The following GGT1 variants were observed in gnomAD, a reference collection of about 807,000 sequenced individuals.
GGT1 encodes glutathione hydrolase 1 proenzyme.
A neutral mutation model predicts 56.0 loss-of-function variants in GGT1; 21 were observed. The observed-to-expected ratio is 0.38, with a 90% CI of 0.27 to 0.54. The LOEUF is 0.54. Among genes scored for constraint, GGT1 ranks in the 20% least tolerant of loss-of-function variants. The probability of loss-of-function intolerance (pLI) is 0.82; values close to 1 mark genes in which losing one functional copy is unlikely to be tolerated. For missense variants in GGT1, 466 were observed against 787.0 expected, an observed-to-expected ratio of 0.59 and a Z score of 4.88; for synonymous variants, 238 against 342.6, an observed-to-expected ratio of 0.69 and a Z score of 3.37.
Position 24,615,141 on chromosome 22 carries a change from C to T in GGT1, c.382+14C>T, listed in dbSNP as rs538847822. The T allele has an allele frequency of 2.9e-5, 46 of 1,598,802 alleles. No individual in the cohort carries two copies. In the East Asian group the frequency reaches 8.5e-4, roughly 29 times the overall value. ...AGTCCCAGAAGGGTAAGCCATGCGG[C>T]AGACTTGGGGCGTGGGTGCAGAGCT... On this transcript the variant is annotated intron_variant, in intron 7 of 15. Coordinates refer to ENST00000400382, the MANE Select transcript of GGT1 (RefSeq NM_001288833.2).
chr22:24,612,377 T>C (rs574322860), intron 5 of GGT1, among the ~76,000 whole-genome samples: 6 of 151,684 alleles, frequency 4.0e-5, no homozygotes, highest in African/African-American at 7.3e-5. Context: ...TATGTACATA[T>C]GTACACATGT....
At position 24,621,012 on chromosome 22, in the gene GGT1, C is replaced by A; in HGVS notation, c.675C>A (p.Ala225=). The change falls in exon 9 of 16, where the codon GCC becomes GCA. Residue 225 remains alanine (A), a synonymous_variant. Coordinates refer to ENST00000400382, the MANE Select transcript of GGT1 (RefSeq NM_001288833.2). ...ACGAGACGCTGGCCATCGAGGGTGC[C>A]CAGGCCTTCTACAACGGCAGCCTCA... is the stretch of plus-strand genomic sequence containing the variant. ...DTYETLAIEG[A]QAFYNGSLTA... is the part of the protein sequence containing the mutation. The A allele has an allele frequency of 6.2e-7, 1 of 1,610,404 alleles. No homozygotes were observed.
At chr22:24,595,867 T>C (rs1392022513) in intron 1 of GGT1, among the ~76,000 whole-genome samples, 4 of 152,210 alleles carry the variant, frequency 2.6e-5, no homozygotes, top group Non-Finnish European at 4.4e-5. Flanking sequence ...CCAGTAGTAT[T>C]GTTCAAGCCC....
upstream of GGT1, chr22:24,592,843 C>A: frequency 3.9e-6 from 5 of 1,274,694 alleles, no homozygotes; most frequent in Non-Finnish European, 5.0e-6. Flanking sequence ...AGCCCAGGGG[C>A]GGACGGCTCC....
At chr22:24,592,409 A>C (rs1347342663), upstream of GGT1, 1 of 470,544 alleles carries the variant, frequency 2.1e-6, no homozygotes, top group Non-Finnish European at 4.4e-6. Context: ...TCCAGGGTCC[A>C]CTGTCTCCCG....
rs372079440 is a variant in GGT1, at chr22:24,628,250, T to A, written c.1450-25T>A. On this transcript the variant is annotated intron_variant, in intron 14 of 15. Coordinates refer to ENST00000400382, the MANE Select transcript of GGT1 (RefSeq NM_001288833.2). This position sits in a 1 kb window ranked among gnomAD's most constrained non-coding sequence, Gnocchi z 5.7. ...CCCACCCTGCACAGCCCCCAAGCCA[T>A]GCTGATCACACTCCCATGCCCCAGG... 1 of 1,611,742 alleles carries A rather than the reference T, an allele frequency of 6.2e-7. No homozygotes were observed.
upstream of GGT1, among the ~76,000 whole-genome samples, chr22:24,594,473 G>A (rs1028766766): frequency 1.3e-5 from 2 of 151,426 alleles, no homozygotes; most frequent in Non-Finnish European, 2.9e-5. Flanking sequence ...TTTGGGTTAA[G>A]CACTGCCTGC....
In GGT1 at chr22:24,625,548, GT is replaced by G. The variant is rs1007309688; in HGVS notation, c.1020+1643del. Among the ~76,000 whole-genome samples, 122 of 146,976 alleles carry G rather than the reference GT, an allele frequency of 8.3e-4. 1 individual carries two copies. The South Asian group carries it at 0.022, about 26-fold the overall frequency. On this transcript the variant is annotated intron_variant, in intron 11 of 15. Coordinates refer to ENST00000400382, the MANE Select transcript of GGT1 (RefSeq NM_001288833.2). Reference sequence around the variant, plus strand: ...CCCAAAGCGCTGGGATTACAGGTGTGTTTTTTTTTTTGAGACAGAGTCTCGC... The same window carrying G: ...CCCAAAGCGCTGGGATTACAGGTGTGTTTTTTTTTTGAGACAGAGTCTCGC...
intron 7 of GGT1, among the ~76,000 whole-genome samples, chr22:24,619,774 T>G (rs2147442943): frequency 6.6e-6 from 1 of 151,102 alleles, no homozygotes; most frequent in East Asian, 1.9e-4. Context: ...TTTGGCACAT[T>G]CTCGTGGAGC....
At chr22:24,605,648 T>TTATATAATGTGTATTATATATATAA (rs2046160616) in intron 1 of GGT1, among the ~76,000 whole-genome samples, 1 of 29,752 alleles carries the variant, frequency 3.4e-5, no homozygotes. Flanking sequence ...ATATATAATA[T>TTATATAATGTGTATTATATATATAA]TATATAATGT....
chr22:24,589,491 G>A, the GGT1 span: 1 of 584,864 alleles, frequency 1.7e-6, no homozygotes, highest in South Asian at 3.3e-5. Flanking sequence ...TCTCAGAACA[G>A]TCTGTGACCC....
At chr22:24,624,034 T>G in intron 11 of GGT1, 118 bp downstream of exon 11, 1 of 1,535,886 alleles carries the variant, frequency 6.5e-7, no homozygotes, top group Non-Finnish European at 8.8e-7. Context: ...TGCCACAGAC[T>G]TCGATTGCGG....
At chr22:24,586,542 A>AT in the GGT1 span, 4 of 1,033,776 alleles carry the variant, frequency 3.9e-6, no homozygotes, top group Non-Finnish European at 5.7e-6. Context: ...TGTCTTTCGT[A>AT]TTTTTTGAGA....
chr22:24,602,930 C>T (rs1261692967), upstream of GGT1, among the ~76,000 whole-genome samples: 2 of 152,232 alleles, frequency 1.3e-5, no homozygotes, highest in African/African-American at 4.8e-5. Context: ...AATCTGCCTC[C>T]CGCTGAAACC....
At chr22:24,589,778 C>T in the GGT1 span, 1 of 1,573,688 alleles carries the variant, frequency 6.4e-7, no homozygotes, top group South Asian at 1.2e-5. Context: ...GCCCCCCTGT[C>T]CACCACAGTG....
At chr22:24,597,596 G>A (rs1299469385) in intron 1 of GGT1, among the ~76,000 whole-genome samples, 5 of 152,018 alleles carry the variant, frequency 3.3e-5, no homozygotes, top group East Asian at 1.9e-4. Context: ...CAGGAGAATC[G>A]CTTGAACCTA....
At chr22:24,614,957 C>T in intron 6 of GGT1, 51 bp downstream of exon 6, 3 of 1,595,958 alleles carry the variant, frequency 1.9e-6, no homozygotes, top group Non-Finnish European at 2.6e-6. Context: ...GTGGGTTGGG[C>T]CGAGGCACAG....
the GGT1 span, chr22:24,588,150 G>T: frequency 1.6e-6 from 2 of 1,270,918 alleles, no homozygotes; most frequent in Non-Finnish European, 2.3e-6. Flanking sequence ...GAGAGTGCAG[G>T]TGTCAACCTG....
chr22:24,605,988 AT>A (rs1443115068), intron 1 of GGT1, among the ~76,000 whole-genome samples: 462 of 41,452 alleles, frequency 0.011, 100 homozygotes, highest in South Asian at 0.019. Context: ...CATATATTAT[AT>A]TTATATAATT....
Sources: gnomAD v4.1 joint callset for allele counts (sites outside exome capture counted in the v4.1 genomes callset) on GRCh38, gnomAD v4.1.1 for gene constraint, Gnocchi (gnomAD v3.1) non-coding constraint, MANE v1.5 for transcripts, NCBI Gene and HGNC (gene_info 2026-07-23, HGNC 2026-07-21) for gene names.